Variants in ERBB4 observed in about 807,000 individuals in gnomAD.
ERBB4 encodes erb-b2 receptor tyrosine kinase 4.
ERBB4 carries 42 observed loss-of-function variants against 158.0 expected under a neutral mutation model. The observed-to-expected ratio is 0.27, with a 90% CI of 0.21 to 0.34. The LOEUF (loss-of-function observed/expected upper bound fraction) is 0.34, where lower values mean the gene tolerates loss of function less well. Ranked by LOEUF, ERBB4 falls within the 10% of genes least tolerant of loss-of-function variation. The pLI is 1.00. For missense variants in ERBB4, 1,333 were observed against 1,624.1 expected (o/e 0.82, Z 3.08); for synonymous variants, 583 against 558.7 (o/e 1.04, Z -0.61).
At chr2:212,224,920 T>A (rs965167642) in intron 1 of ERBB4, among the ~76,000 whole-genome samples, 1 of 152,122 alleles carries the variant, frequency 6.6e-6, no homozygotes, top group Non-Finnish European at 1.5e-5. Flanking sequence ...AATAAAATTT[T>A]AAGAATGTGT....
intron 19 of ERBB4, among the ~76,000 whole-genome samples, chr2:211,589,681 AATG>A (rs1177150604): frequency 6.6e-6 from 1 of 152,186 alleles, no homozygotes; most frequent in African/African-American, 2.4e-5. Context: ...CTAATTTTTT[AATG>A]ATGTCAGTCA....
chr2:212,114,071 C>A lies in ERBB4; in HGVS notation c.234+10681G>T, dbSNP rs944640234. Among the ~76,000 whole-genome samples, 6 of 152,140 alleles carry A rather than the reference C, an allele frequency of 3.9e-5. 1 individual carries two copies. The highest frequency in any genetic ancestry group is 4.1e-4 in the South Asian group (2 of 4,824). ...CCCATGATAGACACTGTGTACTATG[C>A]TAGAATTCTGCAGTGAACTAGACAT... On this transcript the variant is annotated intron_variant, in intron 2 of 27. Coordinates refer to ENST00000342788, the MANE Select transcript of ERBB4 (RefSeq NM_005235.3).
chr2:212,244,386 C>T (rs558778191), intron 1 of ERBB4, among the ~76,000 whole-genome samples: 100 of 152,196 alleles, frequency 6.6e-4, no homozygotes, highest in African/African-American at 2.1e-3. Flanking sequence ...CAGGAGCATT[C>T]TGACAAGACA....
intron 1 of ERBB4, among the ~76,000 whole-genome samples, chr2:212,499,264 T>A (rs1221776404): frequency 1.3e-5 from 2 of 152,004 alleles, no homozygotes; most frequent in Non-Finnish European, 2.9e-5. Context: ...TTAAATAGTA[T>A]TACAAAGTTC....
chr2:211,784,433 C>T (rs2076108588), intron 4 of ERBB4, among the ~76,000 whole-genome samples: 2 of 152,128 alleles, frequency 1.3e-5, no homozygotes, highest in Non-Finnish European at 2.9e-5. Context: ...ACCAGATCTC[C>T]TTCCTTTTTC....
Position 212,320,222 on chromosome 2 carries a change from T to A in ERBB4, c.83-195319A>T, listed in dbSNP as rs887719366. Among the ~76,000 whole-genome samples the A allele has an allele frequency of 2.2e-5, 2 of 90,018 alleles. 1 individual carries two copies. The highest frequency in any genetic ancestry group is 2.6e-4 in the Admixed American group (2 of 7,824). 59.1% of individuals were successfully genotyped at this position (90,018 alleles called of 152,430 possible). ...ACATCTACCAGGCAGATTTACGCAG[T>A]CATACTTTTATTTTTTTCCTGTGGC... On this transcript the variant is annotated intron_variant, in intron 1 of 27. Coordinates refer to ENST00000342788, the MANE Select transcript of ERBB4 (RefSeq NM_005235.3).
intron 1 of ERBB4, among the ~76,000 whole-genome samples, chr2:212,228,474 G>A (rs1215443951): frequency 2.0e-5 from 3 of 152,134 alleles, no homozygotes; most frequent in Non-Finnish European, 2.9e-5. Context: ...ATAGAATTAT[G>A]AATCTTCAAG....
chr2:212,343,799 AATTTT>A (rs1181735531), intron 1 of ERBB4, among the ~76,000 whole-genome samples: 1 of 152,174 alleles, frequency 6.6e-6, no homozygotes, highest in Non-Finnish European at 1.5e-5. Context: ...GGTTAAATTT[AATTTT>A]ATGTGTTAAT....
chr2:212,333,039 C>T (rs1327723477), intron 1 of ERBB4, among the ~76,000 whole-genome samples: 1 of 152,168 alleles, frequency 6.6e-6, no homozygotes, highest in Non-Finnish European at 1.5e-5. Flanking sequence ...GAAATTCTAA[C>T]AATCCCTAGA....
chr2:212,383,992 T>G (rs549413833), intron 1 of ERBB4, among the ~76,000 whole-genome samples: 1 of 151,662 alleles, frequency 6.6e-6, no homozygotes, highest in South Asian at 2.1e-4. Context: ...TGTGCACGAA[T>G]TTTTATAAAT....
At chr2:212,445,645 T>C (rs528447269) in intron 1 of ERBB4, among the ~76,000 whole-genome samples, 3 of 152,280 alleles carry the variant, frequency 2.0e-5, no homozygotes, top group East Asian at 1.9e-4. Flanking sequence ...CATTAGGGCA[T>C]AGCTTAGTAT....
At chr2:211,989,804 A>G (rs1012400652) in intron 2 of ERBB4, among the ~76,000 whole-genome samples, 1 of 152,014 alleles carries the variant, frequency 6.6e-6, no homozygotes, top group Non-Finnish European at 1.5e-5. Flanking sequence ...CTATATAAAA[A>G]GAACACAGCA....
chr2:212,259,984 G>A (rs1025461969), intron 1 of ERBB4, among the ~76,000 whole-genome samples: 8 of 151,488 alleles, frequency 5.3e-5, no homozygotes, highest in South Asian at 2.1e-4. Flanking sequence ...CAGGAGAATC[G>A]CTTGAACCCG....
At chr2:212,052,589 C>T (rs1397758331) in intron 2 of ERBB4, among the ~76,000 whole-genome samples, 1 of 152,130 alleles carries the variant, frequency 6.6e-6, no homozygotes. Flanking sequence ...GAAACCAGCC[C>T]AGTTGTCCAA....
intron 1 of ERBB4, among the ~76,000 whole-genome samples, chr2:212,328,630 G>A (rs967352529): frequency 2.0e-5 from 3 of 151,944 alleles, no homozygotes; most frequent in Non-Finnish European, 2.9e-5. Context: ...GAAACACTGA[G>A]GATTTCTTAT....
rs1366716468 is a variant in ERBB4, at chr2:212,188,252, C to T, written c.83-63349G>A. 2.8e-3 allele frequency among the ~76,000 whole-genome samples: 253 copies of T among 90,386 alleles called. 17 individuals carry two copies. The highest frequency in any genetic ancestry group is 9.3e-3 in the African/African-American group (240 of 25,676). The allele number at this position is 90,386 out of a possible 152,430, so 59.3% of individuals were successfully genotyped here. A position where few individuals can be genotyped will look rare whatever the true frequency, so the allele number is the denominator to read the frequency against. Reference sequence around the variant, plus strand: ...TCTCTCTCCCCCCCCCTCTCACCCCCTCCCTCCCTCCCTCTTCTCTCCCTC... The same window carrying T: ...TCTCTCTCCCCCCCCCTCTCACCCCTTCCCTCCCTCCCTCTTCTCTCCCTC... On this transcript the variant is annotated intron_variant, in intron 1 of 27. Coordinates refer to ENST00000342788, the MANE Select transcript of ERBB4 (RefSeq NM_005235.3).
chr2:212,127,334 T>C (rs569162755), intron 1 of ERBB4, among the ~76,000 whole-genome samples: 3 of 152,348 alleles, frequency 2.0e-5, no homozygotes, highest in South Asian at 4.1e-4. Context: ...GGCTCATGCC[T>C]GTAATCCCAG....
At chr2:212,015,085 TATATATATATATATATATATATATATAA>T (rs2076492641) in intron 2 of ERBB4, among the ~76,000 whole-genome samples, 3 of 10,662 alleles carry the variant, frequency 2.8e-4, no homozygotes, top group Admixed American at 1.6e-3. Flanking sequence ...TATATATATA[TATATATATATATATATATATATATATAA>T]AAATTAGCCG....
chr2:211,415,415 G>A lies in ERBB4; in HGVS notation c.3135+5026C>T, dbSNP rs555616785. ...ATTACAGGCGTGAGCCACCGCGCCC[G>A]GCCTGAATGTCATTATTGAGAATGA... On this transcript the variant is annotated intron_variant, in intron 25 of 27. Transcript: ENST00000342788. Among the ~76,000 whole-genome samples the A allele has an allele frequency of 3.3e-5, 5 of 152,160 alleles. No homozygotes were observed. The East Asian group carries it at 5.8e-4, about 18-fold the overall frequency.
Sources: allele counts gnomAD v4.1 joint callset (sites outside exome capture counted in the v4.1 genomes callset), GRCh38; gene constraint gnomAD v4.1.1; transcripts MANE v1.5; gene names NCBI Gene and HGNC (gene_info 2026-07-23, HGNC 2026-07-21).